The following DMXL2 variants were observed in gnomAD, a reference collection of about 807,000 sequenced individuals.
DMXL2 encodes the protein Dmx like 2, also known as dmX-like protein 2.
In DMXL2, 103 loss-of-function variants were observed where a neutral mutation model predicts 331.1. That is an observed-to-expected ratio of 0.31 (90% CI 0.27 to 0.37). The LOEUF is 0.37. DMXL2 is among the 10% of genes least tolerant of loss of function. DMXL2 has a pLI of 1.00. For missense variants in DMXL2, 3,171 were observed against 3,642.9 expected (o/e 0.87, Z 3.33); for synonymous variants, 1,281 against 1,252.1 (o/e 1.02, Z -0.49).
At chr15:51,516,051 A>G (rs1005776700) in intron 14 of DMXL2, among the ~76,000 whole-genome samples, 1 of 152,160 alleles carries the variant, frequency 6.6e-6, no homozygotes, top group Non-Finnish European at 1.5e-5. Context: ...AAATGAGTAC[A>G]TTTTCCCCAA....
At position 51,587,912 on chromosome 15, in the gene DMXL2, A is replaced by G. The variant is rs201934459; in HGVS notation, c.88-11731T>C. On this transcript the variant is annotated intron_variant, in intron 1 of 43. Coordinates refer to ENST00000560891, the MANE Select transcript of DMXL2 (RefSeq NM_001378457.1). ...TGTGGTTTTGATTTGCATTTCTCTGATGGCCAGTGATGATGAGCATTTTTT... is the reference window on the plus strand; with the variant it reads ...TGTGGTTTTGATTTGCATTTCTCTGGTGGCCAGTGATGATGAGCATTTTTT... 5.3e-5 allele frequency among the ~76,000 whole-genome samples: 8 copies of G among 152,258 alleles called. No homozygotes were observed. In the East Asian group the frequency reaches 1.5e-3, roughly 29 times the overall value.
At chr15:51,451,615 T>C (rs1595866556) in intron 42 of DMXL2, 30 bp downstream of exon 42, 1 of 1,566,858 alleles carries the variant, frequency 6.4e-7, no homozygotes, top group East Asian at 2.2e-5. Flanking sequence ...CTTCATGGTA[T>C]ATTTTTAAAA....
Position 51,495,018 on chromosome 15 carries a change from A to G in DMXL2, c.4783+6T>C. 6.2e-7 allele frequency: 1 copy of G among 1,604,316 alleles called. No individual in the cohort carries two copies. ...TGTGCAAAGCTTCAAACAGTGAGTG[A>G]ATTACCTTGATGAAGTAGCTGCACT... is the stretch of plus-strand genomic sequence containing the variant. On this transcript the variant is annotated splice_donor_region_variant and intron_variant, in intron 19 of 43. Coordinates refer to ENST00000560891, the MANE Select transcript of DMXL2 (RefSeq NM_001378457.1).
At chr15:51,608,341 G>C (rs1480593689) in intron 1 of DMXL2, among the ~76,000 whole-genome samples, 1 of 152,094 alleles carries the variant, frequency 6.6e-6, no homozygotes, top group Non-Finnish European at 1.5e-5. Flanking sequence ...CAAAGACAGG[G>C]AATCAACCTA....
At chr15:51,474,307 A>C (rs1286765842) in intron 28 of DMXL2, 37 bp downstream of exon 28, 1 of 1,531,194 alleles carries the variant, frequency 6.5e-7, no homozygotes, top group Non-Finnish European at 8.8e-7. Flanking sequence ...AAAATGATTA[A>C]CATTTACATA....
chr15:51,599,500 C>T (rs932874022), intron 1 of DMXL2, among the ~76,000 whole-genome samples: 2 of 152,164 alleles, frequency 1.3e-5, no homozygotes, highest in East Asian at 1.9e-4. Context: ...TACAAACATC[C>T]GTATCATATC....
chr15:51,549,338 C>G (rs1389847509), intron 6 of DMXL2, among the ~76,000 whole-genome samples: 3 of 146,558 alleles, frequency 2.0e-5, no homozygotes, highest in African/African-American at 7.6e-5. Context: ...ATATATATAC[C>G]ACAATTTCTT....
rs958006338 is a variant in DMXL2, at chr15:51,481,197, T to A, written c.5909A>T (p.Asp1970Val). 7 of 1,613,972 alleles carry A rather than the reference T, an allele frequency of 4.3e-6. No individual in the cohort carries two copies. The highest frequency in any genetic ancestry group is 1.3e-5 in the African/African-American group (1 of 75,056). Residue 1970 changes from aspartate (D) to valine (V), a missense_variant, in exon 24 of 44, where the codon GAT becomes GTT. By Grantham distance (152) the Asp-to-Val change is radical. Coordinates refer to ENST00000560891, the MANE Select transcript of DMXL2 (RefSeq NM_001378457.1). ...CCAATCAAGATTAAGAGGTTCCTCA[T>A]CAACTTTTACTATTGGCTGACTCCA... ...YDWSQPIVKVDEEPLNLDWGE... is the reference protein window; with the variant it reads ...YDWSQPIVKVVEEPLNLDWGE...
Position 51,479,986 on chromosome 15 carries a change from T to C in DMXL2, c.6718A>G (p.Met2240Val). The C allele has an allele frequency of 6.5e-7, 1 of 1,532,800 alleles. No individual in the cohort carries two copies. The highest frequency in any genetic ancestry group is 8.9e-7 in the Non-Finnish European group (1 of 1,125,988). The allele number at this position is 1,532,800 out of a possible 1,614,324, so 94.9% of individuals were successfully genotyped here. A position where few individuals can be genotyped will look rare whatever the true frequency, so the allele number is the denominator to read the frequency against. ...IHDILYTIVQ[M>V]KTPPHPSIED... is the part of the protein sequence containing the mutation. ...ATACTGGGATGAGGTGGTGTTTTCA[T>C]CTGAACAATAGTATAAAGTATATCA... Residue 2240 changes from methionine to valine, a missense_variant, in exon 25 of 44, where the codon ATG (methionine) becomes GTG (valine). This residue lies in a region of DMXL2 where 197 missense variants were observed against 196.2 expected (regional missense o/e 1.00). Transcript: ENST00000560891.
chr15:51,618,504 T>A (rs1362151335), intron 1 of DMXL2, among the ~76,000 whole-genome samples: 1 of 152,174 alleles, frequency 6.6e-6, no homozygotes, highest in African/African-American at 2.4e-5. Flanking sequence ...TTTTCTAATT[T>A]TTAAATGAAT....
rs771279023 is a variant in DMXL2 at position 51,536,591 on chromosome 15, T to C, written c.1889A>G (p.Asp630Gly). 5.0e-6 allele frequency: 8 copies of C among 1,613,972 alleles called. No individual in the cohort carries two copies. In the Admixed American group the frequency reaches 6.7e-5, roughly 13 times the overall value. Residue 630 changes from aspartate to glycine, a missense_variant, in exon 12 of 44, where the codon GAT becomes GGT. By Grantham distance (94) the Asp-to-Gly change is moderately conservative (BLOSUM62 -1). This residue lies in a region of DMXL2 where 1,674 missense variants were observed against 1,780.2 expected (regional missense o/e 0.94). Coordinates refer to ENST00000560891, the MANE Select transcript of DMXL2 (RefSeq NM_001378457.1). The stretch of plus-strand genomic sequence containing the variant: ...TAGAACAGTGGTAAAGGCAGACTTA[T>C]CAGCAAAAGTGACTGCCCACTGATT... The part of the protein sequence containing the change: ...SLNQWAVTFA[D>G]KSAFTTVLTV...
intron 6 of DMXL2, among the ~76,000 whole-genome samples, chr15:51,556,039 T>G (rs1241259237): frequency 6.6e-6 from 1 of 152,126 alleles, no homozygotes; most frequent in Non-Finnish European, 1.5e-5. Flanking sequence ...CACATAAATC[T>G]TAAACAAAAG....
chr15:51,496,165 A>C (rs2043162894), intron 18 of DMXL2, among the ~76,000 whole-genome samples: 1 of 152,122 alleles, frequency 6.6e-6, no homozygotes, highest in African/African-American at 2.4e-5. Flanking sequence ...TCATTCAACA[A>C]ATCAAGCATC....
Position 51,622,721 on chromosome 15 carries a change from G to T in DMXL2, c.-176C>A. The T allele has an allele frequency of 1.5e-6, 2 of 1,293,336 alleles. No individual in the cohort carries two copies. Among genetic ancestry groups the T allele is most frequent in the East Asian group, 5.7e-5 (2 of 35,012 alleles). 80.1% of individuals were successfully genotyped at this position (1,293,336 alleles called of 1,614,324 possible). On this transcript the variant is annotated 5_prime_UTR_variant, in exon 1 of 44. Coordinates refer to ENST00000560891, the MANE Select transcript of DMXL2 (RefSeq NM_001378457.1). The stretch of plus-strand genomic sequence containing the variant: ...TTCCCTCCGCCTCGTCCCTGCCATG[G>T]GAGCTCCTCGACCGCCGCCGCCGCC...
chr15:51,512,816 G>GAA (rs201329133), intron 15 of DMXL2, among the ~76,000 whole-genome samples: 7 of 129,506 alleles, frequency 5.4e-5, no homozygotes, highest in Non-Finnish European at 8.4e-5. Flanking sequence ...CTCTGTCTCG[G>GAA]AAAAAAAAAA....
chr15:51,513,295 T>C (rs2046860918), intron 15 of DMXL2, among the ~76,000 whole-genome samples: 1 of 152,196 alleles, frequency 6.6e-6, no homozygotes, highest in East Asian at 1.9e-4. Context: ...ATGTGATAAA[T>C]GGCAGCTACA....
intron 2 of DMXL2, among the ~76,000 whole-genome samples, chr15:51,572,917 T>TATTCAACAACTCCTATTCA (rs2050769349): frequency 6.6e-6 from 1 of 152,166 alleles, no homozygotes; most frequent in Non-Finnish European, 1.5e-5. Context: ...TTCAACACAG[T>TATTCAACAACTCCTATTCA]ACTGGAAGTT....
At position 51,517,160 on chromosome 15, in the gene DMXL2, A is replaced by G. The variant is rs148960329; in HGVS notation, c.2444T>C (p.Ile815Thr). 6.6e-5 allele frequency: 107 copies of G among 1,613,334 alleles called. No homozygotes were observed. The African/African-American group carries it at 1.2e-3, about 18-fold the overall frequency. Residue 815 changes from isoleucine (I) to threonine (T), a missense_variant, in exon 14 of 44, where the codon ATT becomes ACT. Ile to Thr is a moderately conservative substitution (Grantham distance 89). Coordinates refer to ENST00000560891, the MANE Select transcript of DMXL2 (RefSeq NM_001378457.1). ...GCTCACAATATTAAACACTTCTCCA[A>G]TAAGTTTCTGTAAATAAAAAACACA... ...ELSDPESSKLIGEVFNIVSQQ... is the reference protein window; with the variant it reads ...ELSDPESSKLTGEVFNIVSQQ...
Position 51,481,247 on chromosome 15 carries a change from T to C in DMXL2, c.5859A>G (p.Ser1953=). Residue 1953 remains serine, a synonymous_variant, in exon 24 of 44, where the codon TCA becomes TCG. Transcript: ENST00000560891. ...DGNGSSGIEW[S]NVTSSQYDWS... ...AGTCATACTGTGATGAAGTTACATT[T>C]GACCATTCAATGCCAGAACTTCCAT... The C allele has an allele frequency of 6.2e-7, 1 of 1,613,970 alleles. No homozygotes were observed. The highest frequency in any genetic ancestry group is 8.5e-7 in the Non-Finnish European group (1 of 1,179,936).
Sources: gnomAD v4.1 joint callset for allele counts (sites outside exome capture counted in the v4.1 genomes callset) on GRCh38, gnomAD v4.1.1 for gene constraint, gnomAD v4.1.1 regional missense constraint, MANE v1.5 for transcripts, NCBI Gene and HGNC (gene_info 2026-07-23, HGNC 2026-07-21) for gene names.